Variants in UGT1A8 observed in about 807,000 individuals in gnomAD.
UGT1A8 encodes the protein UDP-glucuronosyltransferase 1A8.
Under a neutral mutation model 45.3 loss-of-function variants are expected in UGT1A8, and 39 were observed. The ratio of observed to expected loss-of-function variants is 0.86; its 90% CI spans 0.67 to 1.12. The LOEUF (loss-of-function observed/expected upper bound fraction) is 1.12. Among genes scored for constraint, UGT1A8 ranks in the 50% most tolerant of loss-of-function variants. The pLI, the probability that UGT1A8 is intolerant of heterozygous loss-of-function variation, is 0.00. For synonymous variants in UGT1A8, 275 were observed against 249.2 expected (o/e 1.10, Z -0.97); for missense variants, 719 against 664.9 (o/e 1.08, Z -0.90).
At chr2:233,674,803 C>T (rs991441193) in intron 1 of UGT1A8, among the ~76,000 whole-genome samples, 4 of 152,164 alleles carry the variant, frequency 2.6e-5, no homozygotes, top group Admixed American at 6.6e-5. Context: ...ATTCAGAACT[C>T]AAAGAAGGCT....
intron 1 of UGT1A8, among the ~76,000 whole-genome samples, chr2:233,679,850 G>A (rs1270447639): frequency 6.6e-6 from 1 of 151,892 alleles, no homozygotes; most frequent in Non-Finnish European, 1.5e-5. Context: ...AATCACATTG[G>A]CATCTATAAA....
rs1042640 is a variant in UGT1A8 at position 233,772,898 on chromosome 2, G to T, written c.*339G>T. 1 of 456,718 alleles carries T rather than the reference G, an allele frequency of 2.2e-6. No individual in the cohort carries two copies. The highest frequency in any genetic ancestry group is 5.9e-5 in the East Asian group (1 of 16,920). The allele number at this position is 456,718 out of a possible 1,614,324, so 28.3% of individuals were successfully genotyped here. Reference sequence around the variant, plus strand: ...GTGCGGGATTCAAAGGTGGTCCCACGGCTGCCCCTACTGCAAATGGCAGTT... The same window carrying T: ...GTGCGGGATTCAAAGGTGGTCCCACTGCTGCCCCTACTGCAAATGGCAGTT... On this transcript the variant is annotated 3_prime_UTR_variant, in exon 5 of 5. Coordinates refer to ENST00000373450, the MANE Select transcript of UGT1A8 (RefSeq NM_019076.5).
At chr2:233,761,264 T>G in intron 1 of UGT1A8, 1 of 1,597,186 alleles carries the variant, frequency 6.3e-7, no homozygotes, top group Non-Finnish European at 8.5e-7. Flanking sequence ...TAATTTAAAA[T>G]GCCCTCTTTT....
chr2:233,750,237 A>G (rs766063070), intron 1 of UGT1A8, among the ~76,000 whole-genome samples: 1 of 151,900 alleles, frequency 6.6e-6, no homozygotes, highest in Non-Finnish European at 1.5e-5. Flanking sequence ...ACTTATTGGG[A>G]ACTGGAACAA....
chr2:233,724,200 G>A (rs1277463705), intron 1 of UGT1A8, among the ~76,000 whole-genome samples: 6 of 126,908 alleles, frequency 4.7e-5, no homozygotes, highest in Admixed American at 1.5e-4. Context: ...GTGGCTGGCC[G>A]GGCTGAGGGG....
intron 1 of UGT1A8, chr2:233,743,541 A>ACC (rs544018510): frequency 2.2e-6 from 3 of 1,366,832 alleles, no homozygotes; most frequent in South Asian, 1.1e-5. Flanking sequence ...AGTTCCTCTG[A>ACC]CCCCCCCAAA....
At chr2:233,637,447 A>C (rs1044110178) in intron 1 of UGT1A8, 9 of 1,519,636 alleles carry the variant, frequency 5.9e-6, no homozygotes, top group Non-Finnish European at 7.9e-6. Flanking sequence ...TTCCTTACTG[A>C]ACTGTGATTT....
chr2:233,710,719 T>A (rs1013193307), intron 1 of UGT1A8, among the ~76,000 whole-genome samples: 1 of 152,218 alleles, frequency 6.6e-6, no homozygotes, highest in Non-Finnish European at 1.5e-5. Flanking sequence ...TTTCATTTTT[T>A]AAAAAACAAC....
At chr2:233,732,848 A>G (rs1171011908) in intron 1 of UGT1A8, among the ~76,000 whole-genome samples, 1 of 145,490 alleles carries the variant, frequency 6.9e-6, no homozygotes, top group African/African-American at 2.6e-5. Context: ...CAATTTTGTG[A>G]AGTCATTGGT....
Position 233,617,642 on chromosome 2 carries a change from G to T in UGT1A8, c.-66G>T. ...ATTGGGGTCAGGTTTTGTGCCTGTAGTTCTTCCGCCTACTGTATCATAGCA... is the reference window on the plus strand; with the variant it reads ...ATTGGGGTCAGGTTTTGTGCCTGTATTTCTTCCGCCTACTGTATCATAGCA... On this transcript the variant is annotated 5_prime_UTR_variant, in exon 1 of 5. Transcript: ENST00000373450. The T allele has an allele frequency of 1.3e-6, 2 of 1,545,606 alleles. No homozygotes were observed. Among genetic ancestry groups the T allele is most frequent in the Non-Finnish European group, 1.7e-6 (2 of 1,146,162 alleles).
chr2:233,643,062 T>C (rs2073497451), intron 1 of UGT1A8, among the ~76,000 whole-genome samples: 1 of 152,168 alleles, frequency 6.6e-6, no homozygotes, highest in Non-Finnish European at 1.5e-5. Context: ...GGCTACTGCC[T>C]ATGTTTGCTC....
chr2:233,744,930 A>G (rs1692966910), intron 1 of UGT1A8, among the ~76,000 whole-genome samples: 1 of 151,906 alleles, frequency 6.6e-6, no homozygotes, highest in African/African-American at 2.4e-5. Flanking sequence ...CTTTTATAAA[A>G]TGACACAGTA....
At chr2:233,716,940 T>A (rs2076534957) in intron 1 of UGT1A8, among the ~76,000 whole-genome samples, 1 of 152,150 alleles carries the variant, frequency 6.6e-6, no homozygotes, top group Non-Finnish European at 1.5e-5. Flanking sequence ...GCTCCTCCTA[T>A]TTCCCAGGCA....
intron 1 of UGT1A8, chr2:233,681,850 T>C: frequency 6.6e-7 from 1 of 1,519,154 alleles, no homozygotes; most frequent in Non-Finnish European, 8.8e-7. Context: ...CGCCTTCTTT[T>C]GAGGGCAGGT....
chr2:233,649,828 G>A (rs1284804455), intron 1 of UGT1A8, among the ~76,000 whole-genome samples: 1 of 152,128 alleles, frequency 6.6e-6, no homozygotes, highest in Non-Finnish European at 1.5e-5. Flanking sequence ...GTTTGGTCTT[G>A]TCCAGTCTGC....
intron 1 of UGT1A8, among the ~76,000 whole-genome samples, chr2:233,731,986 G>A (rs184170345): frequency 7.2e-5 from 11 of 152,312 alleles, no homozygotes; most frequent in East Asian, 1.9e-4. Context: ...TCTAACTGGC[G>A]TGAGATGGTA....
intron 1 of UGT1A8, among the ~76,000 whole-genome samples, chr2:233,751,504 G>A (rs879429871): frequency 1.3e-5 from 2 of 152,170 alleles, no homozygotes; most frequent in Non-Finnish European, 2.9e-5. Flanking sequence ...ATTTGGGAGG[G>A]GCCAGAGGGC....
At chr2:233,737,057 G>A (rs1365217094) in intron 1 of UGT1A8, among the ~76,000 whole-genome samples, 2 of 152,190 alleles carry the variant, frequency 1.3e-5, no homozygotes, top group African/African-American at 2.4e-5. Context: ...CTAGGAGAAC[G>A]AGTGCTCTCT....
intron 1 of UGT1A8, among the ~76,000 whole-genome samples, chr2:233,746,869 C>T (rs769029902): frequency 3.3e-5 from 5 of 151,744 alleles, no homozygotes; most frequent in African/African-American, 4.9e-5. Flanking sequence ...GCCTGATAAA[C>T]GTGGTTAACA....
Sources: gnomAD v4.1 joint callset for allele counts (sites outside exome capture counted in the v4.1 genomes callset) on GRCh38, gnomAD v4.1.1 for gene constraint, MANE v1.5 for transcripts, NCBI Gene and HGNC (gene_info 2026-07-23, HGNC 2026-07-21) for gene names.